The following DAB2IP variants were observed in gnomAD, a reference collection of about 807,000 sequenced individuals.
DAB2IP encodes the protein disabled homolog 2-interacting protein.
DAB2IP carries 28 observed loss-of-function variants against 107.2 expected under a neutral mutation model. That is an observed-to-expected ratio of 0.26 (90% CI 0.19 to 0.36). DAB2IP has a LOEUF of 0.36. DAB2IP is among the 10% of genes least tolerant of loss of function. DAB2IP has a pLI of 1.00. For synonymous variants in DAB2IP, 755 were observed against 706.4 expected (o/e 1.07, Z -1.09); for missense variants, 1,400 against 1,644.7 (o/e 0.85, Z 2.57).
chr9:121,678,478 A>G (rs1274388109), intron 1 of DAB2IP, among the ~76,000 whole-genome samples, 200 bp from the exon 2 acceptor site: 1 of 152,178 alleles, frequency 6.6e-6, no homozygotes, highest in African/African-American at 2.4e-5. Context: ...TTTGGGTTAT[A>G]CCCAGGAGTG....
chr9:121,570,693 A>G (rs573968704), intron 1 of DAB2IP, among the ~76,000 whole-genome samples: 39 of 151,738 alleles, frequency 2.6e-4, no homozygotes, highest in Admixed American at 3.9e-4. Context: ...GACTACAGGC[A>G]TGCACCACCA....
At chr9:121,681,674 G>C (rs1828610053) in intron 2 of DAB2IP, among the ~76,000 whole-genome samples, 1 of 152,200 alleles carries the variant, frequency 6.6e-6, no homozygotes, top group African/African-American at 2.4e-5. Flanking sequence ...AGGACTGCCG[G>C]ACATCTACGT....
chr9:121,657,530 T>C (rs1833018465), intron 1 of DAB2IP, among the ~76,000 whole-genome samples: 1 of 152,210 alleles, frequency 6.6e-6, no homozygotes, highest in Non-Finnish European at 1.5e-5. Flanking sequence ...TTGTTGTCAC[T>C]TTCCTTTACC....
At chr9:121,605,008 T>TTTTTG (rs769472202) in intron 1 of DAB2IP, among the ~76,000 whole-genome samples, 13 of 152,158 alleles carry the variant, frequency 8.5e-5, no homozygotes, top group African/African-American at 2.6e-4. Context: ...CTCATTTGGA[T>TTTTTG]TTTTGTTTTG....
exon 4 of DAB2IP, chr9:121,757,097 C>T: frequency 6.2e-7 from 1 of 1,614,196 alleles, no homozygotes; most frequent in Non-Finnish European, 8.5e-7. Flanking sequence ...CGCTGGACCT[C>T]AGCATGGAGG....
intron 2 of DAB2IP, among the ~76,000 whole-genome samples, chr9:121,687,996 T>C (rs1378361317): frequency 6.6e-6 from 1 of 152,194 alleles, no homozygotes; most frequent in Non-Finnish European, 1.5e-5. Context: ...CCCATCTCTC[T>C]GCCTTATCTT....
At chr9:121,775,424 C>A (rs1485808717) in intron 13 of DAB2IP, among the ~76,000 whole-genome samples, 1 of 152,232 alleles carries the variant, frequency 6.6e-6, no homozygotes, top group Non-Finnish European at 1.5e-5. Context: ...ACAGTGCTCC[C>A]AGAGCCAGAG....
chr9:121,765,193 G>A lies in DAB2IP; in HGVS notation c.1461-1301G>A, dbSNP rs185559792. 4.5e-3 allele frequency among the ~76,000 whole-genome samples: 681 copies of A among 152,200 alleles called. 7 individuals carry two copies. Among genetic ancestry groups the A allele is most frequent in the African/African-American group, 0.015 (632 of 41,444 alleles). On this transcript the variant is annotated intron_variant, in intron 8 of 15. Transcript: ENST00000408936. ...CACACTTCCCATTCCCAGCTGGGCT[G>A]TGCTTTCCCCCTCCCCCTCTTCCAG...
chr9:121,688,343 G>A (rs1165658873), intron 2 of DAB2IP, among the ~76,000 whole-genome samples: 1 of 152,230 alleles, frequency 6.6e-6, no homozygotes, highest in Non-Finnish European at 1.5e-5. Context: ...TCTGCATCGG[G>A]ATGAGTAACT....
intron 3 of DAB2IP, among the ~76,000 whole-genome samples, chr9:121,710,477 A>G (rs1830285592): frequency 6.6e-6 from 1 of 152,072 alleles, no homozygotes; most frequent in South Asian, 2.1e-4. Flanking sequence ...CTTATTCTCA[A>G]GCGTCTTTTT....
At chr9:121,590,679 C>G (rs1339404547) in intron 1 of DAB2IP, among the ~76,000 whole-genome samples, 1 of 152,136 alleles carries the variant, frequency 6.6e-6, no homozygotes, top group East Asian at 1.9e-4. Flanking sequence ...GTAGACATTT[C>G]TGGCAACAAA....
At chr9:121,742,860 AC>A in intron 3 of DAB2IP, 1 of 985,432 alleles carries the variant, frequency 1.0e-6, no homozygotes, top group Non-Finnish European at 1.2e-6. Flanking sequence ...GAAAAGATAG[AC>A]CCGACCCCAC....
chr9:121,715,027 C>T (rs1830523002), intron 3 of DAB2IP, among the ~76,000 whole-genome samples: 1 of 152,250 alleles, frequency 6.6e-6, no homozygotes. Context: ...AAGAGACTTG[C>T]CAGAGGTCAT....
At chr9:121,658,133 A>T (rs1236035891) in intron 1 of DAB2IP, among the ~76,000 whole-genome samples, 2 of 152,080 alleles carry the variant, frequency 1.3e-5, no homozygotes, top group Non-Finnish European at 2.9e-5. Flanking sequence ...GTACTGTTGA[A>T]CTTGACACAA....
chr9:121,724,094 T>C (rs1218219628), intron 3 of DAB2IP, among the ~76,000 whole-genome samples: 1 of 152,090 alleles, frequency 6.6e-6, no homozygotes, highest in Non-Finnish European at 1.5e-5. Context: ...TGCTGGCGCT[T>C]GAGGTGACAC....
rs1257565322 is a variant in DAB2IP, at chr9:121,599,379, G to A, written c.40+32151G>A. 1.3e-5 allele frequency among the ~76,000 whole-genome samples: 2 copies of A among 152,142 alleles called. No homozygotes were observed. Among genetic ancestry groups the A allele is most frequent in the African/African-American group, 4.8e-5 (2 of 41,454 alleles). On this transcript the variant is annotated intron_variant, in intron 1 of 16. Transcript: ENST00000259371. This position sits in a 1 kb window ranked among gnomAD's most constrained non-coding sequence, Gnocchi z 6.9. ...GGCTCTGCCCAGTCCGGCCTGGGCG[G>A]GGCGGTGGTGGGGAGGTCGATTGAC...
intron 1 of DAB2IP, among the ~76,000 whole-genome samples, chr9:121,603,880 G>C (rs1020897946): frequency 2.6e-5 from 4 of 152,110 alleles, no homozygotes; most frequent in Non-Finnish European, 2.9e-5. Context: ...ATGGGTGAGG[G>C]GTTGAGTTGG....
At chr9:121,610,321 T>C (rs1270217929) in intron 1 of DAB2IP, among the ~76,000 whole-genome samples, 1 of 152,150 alleles carries the variant, frequency 6.6e-6, no homozygotes, top group Non-Finnish European at 1.5e-5. Context: ...GTAATGATAA[T>C]ACCTAGCAGC....
At chr9:121,596,182 T>A (rs1396667880) in intron 1 of DAB2IP, among the ~76,000 whole-genome samples, 1 of 151,992 alleles carries the variant, frequency 6.6e-6, no homozygotes, top group Non-Finnish European at 1.5e-5. Flanking sequence ...TAATACAAAA[T>A]TAGCTGGGCA....
Sources: gnomAD v4.1 joint callset for allele counts (sites outside exome capture counted in the v4.1 genomes callset) on GRCh38, gnomAD v4.1.1 for gene constraint, Gnocchi (gnomAD v3.1) non-coding constraint, MANE v1.5 for transcripts, NCBI Gene and HGNC (gene_info 2026-07-23, HGNC 2026-07-21) for gene names.